Variants in CSMD1 observed in about 807,000 individuals in gnomAD.
CSMD1 encodes CUB and sushi domain-containing protein 1.
Under a neutral mutation model 417.5 loss-of-function variants are expected in CSMD1, and 213 were observed. The observed-to-expected ratio is 0.51, with a 90% CI of 0.46 to 0.57. The LOEUF is 0.57. CSMD1 is among the 20% of genes least tolerant of loss of function. The pLI is 0.00. For synonymous variants in CSMD1, 2,862 were observed against 1,736.8 expected (o/e 1.65, Z -16.11); for missense variants, 6,923 against 4,529.7 (o/e 1.53, Z -15.17).
At position 3,812,203 on chromosome 8, in the gene CSMD1, C is replaced by G. The variant is rs553017647; in HGVS notation, c.819-58161G>C. ...TTTAATAAAAGAGACCACATACAAA[C>G]AATATATCGTTTGTACTCAAAAGAT... On this transcript the variant is annotated intron_variant, in intron 5 of 69. Transcript: ENST00000635120. Among the ~76,000 whole-genome samples the G allele has an allele frequency of 2.0e-5, 3 of 152,218 alleles. No homozygotes were observed. In the South Asian group the frequency reaches 6.2e-4, roughly 32 times the overall value.
At chr8:4,905,958 T>A (rs558227093) in intron 1 of CSMD1, among the ~76,000 whole-genome samples, 1 of 152,308 alleles carries the variant, frequency 6.6e-6, no homozygotes, top group Non-Finnish European at 1.5e-5. Context: ...CCCCATTCAT[T>A]CTTCCTGCCT....
At chr8:3,531,569 G>C (rs112033740) in intron 10 of CSMD1, among the ~76,000 whole-genome samples, 260 of 152,312 alleles carry the variant, frequency 1.7e-3, no homozygotes, top group African/African-American at 6.2e-3. Context: ...CTGCCATGCA[G>C]TCCAGGTTCC....
intron 5 of CSMD1, among the ~76,000 whole-genome samples, chr8:3,932,861 G>T (rs2688269): frequency 0.78 from 117,349 of 149,762 alleles, 47,248 homozygotes; most frequent in African/African-American, 0.81. Flanking sequence ...TTTCACTATT[G>T]TGTAAAGTTA....
chr8:4,525,360 C>G (rs1483530564), intron 2 of CSMD1, among the ~76,000 whole-genome samples: 9 of 152,136 alleles, frequency 5.9e-5, no homozygotes, highest in Admixed American at 5.2e-4. Context: ...GAGAAACCTC[C>G]AATCTTAACA....
chr8:4,202,117 C>G (rs1169632519), intron 3 of CSMD1, among the ~76,000 whole-genome samples: 1 of 151,006 alleles, frequency 6.6e-6, no homozygotes, highest in Non-Finnish European at 1.5e-5. Flanking sequence ...GTTTTTTTTT[C>G]TAGAGAAAAC....
At chr8:4,001,565 T>C (rs1815675277) in intron 4 of CSMD1, among the ~76,000 whole-genome samples, 1 of 152,216 alleles carries the variant, frequency 6.6e-6, no homozygotes, top group Admixed American at 6.5e-5. Context: ...AGTTTCCTTC[T>C]ATTTAAAATG....
Position 4,629,594 on chromosome 8 carries a change from G to C in CSMD1, c.302+7748C>G, listed in dbSNP as rs1358903758. ...CCTTTTGAATGTTAAGTTTTAGGAA[G>C]TCCAATTTTTCATTCAGTTTTATAT... On this transcript the variant is annotated intron_variant, in intron 2 of 69. Coordinates refer to ENST00000635120, the MANE Select transcript of CSMD1 (RefSeq NM_033225.6). Among the ~76,000 whole-genome samples the C allele has an allele frequency of 2.6e-5, 4 of 152,120 alleles. No homozygotes were observed. In the East Asian group the frequency reaches 7.7e-4, roughly 29 times the overall value.
chr8:3,242,578 G>A (rs1324183775), intron 26 of CSMD1, among the ~76,000 whole-genome samples: 1 of 152,068 alleles, frequency 6.6e-6, no homozygotes, highest in Non-Finnish European at 1.5e-5. Context: ...TTTGTACTGG[G>A]GTCAAGCGGC....
chr8:4,697,112 C>T (rs998703644), intron 1 of CSMD1, among the ~76,000 whole-genome samples: 17 of 152,042 alleles, frequency 1.1e-4, no homozygotes, highest in Non-Finnish European at 2.5e-4. Context: ...GGGGAGGTTG[C>T]AGTGAGCCGA....
chr8:3,381,448 G>A (rs1482643039), intron 18 of CSMD1, among the ~76,000 whole-genome samples: 2 of 152,032 alleles, frequency 1.3e-5, no homozygotes, highest in Non-Finnish European at 2.9e-5. Context: ...TTATTCTATT[G>A]CAAATTTAGG....
chr8:4,868,702 A>G (rs1802559856), intron 1 of CSMD1, among the ~76,000 whole-genome samples: 1 of 152,104 alleles, frequency 6.6e-6, no homozygotes, highest in Non-Finnish European at 1.5e-5. Flanking sequence ...GTCTTGGTCG[A>G]AAGTATTTGA....
intron 5 of CSMD1, among the ~76,000 whole-genome samples, chr8:3,862,746 A>G (rs985619282): frequency 2.6e-5 from 4 of 152,262 alleles, no homozygotes; most frequent in Middle Eastern, 3.4e-3. Flanking sequence ...AGAAATGATT[A>G]TGTTTGTTTT....
intron 5 of CSMD1, among the ~76,000 whole-genome samples, chr8:3,967,891 G>A (rs185609119): frequency 2.0e-5 from 3 of 151,986 alleles, no homozygotes; most frequent in Admixed American, 6.6e-5. Context: ...CAATTGGCCG[G>A]GCGCAGTGGC....
intron 10 of CSMD1, among the ~76,000 whole-genome samples, chr8:3,559,159 C>T (rs533109416): frequency 6.6e-6 from 1 of 152,196 alleles, no homozygotes; most frequent in East Asian, 1.9e-4. Flanking sequence ...GCAGGAACTT[C>T]CATGAGCTCT....
At chr8:4,770,589 A>C (rs935974459) in intron 1 of CSMD1, among the ~76,000 whole-genome samples, 1 of 151,964 alleles carries the variant, frequency 6.6e-6, no homozygotes, top group Non-Finnish European at 1.5e-5. Context: ...AGTAATCAAA[A>C]CCTATGGCAT....
intron 5 of CSMD1, among the ~76,000 whole-genome samples, chr8:3,921,707 C>T (rs1380746953): frequency 6.6e-6 from 1 of 152,118 alleles, no homozygotes; most frequent in African/African-American, 2.4e-5. Flanking sequence ...TTTTCCTCCT[C>T]TCCCTGATTT....
intron 3 of CSMD1, among the ~76,000 whole-genome samples, chr8:4,249,600 G>A (rs139157609): frequency 2.6e-5 from 4 of 152,122 alleles, no homozygotes; most frequent in Non-Finnish European, 5.9e-5. Context: ...TTGAGAGAAT[G>A]GTGTTAAGAA....
intron 8 of CSMD1, among the ~76,000 whole-genome samples, chr8:3,605,097 T>A (rs921587290): frequency 6.6e-6 from 1 of 152,128 alleles, no homozygotes; most frequent in African/African-American, 2.4e-5. Flanking sequence ...CAGGTTCAAG[T>A]GATTCTCCTG....
intron 4 of CSMD1, among the ~76,000 whole-genome samples, chr8:4,016,438 T>G (rs137936753): frequency 0.013 from 1,961 of 152,202 alleles, 18 homozygotes; most frequent in Middle Eastern, 0.034. Flanking sequence ...ACTGAGCCTG[T>G]CTCTTAGACG....
Sources: gnomAD v4.1 joint callset for allele counts (sites outside exome capture counted in the v4.1 genomes callset) on GRCh38, gnomAD v4.1.1 for gene constraint, MANE v1.5 for transcripts, NCBI Gene and HGNC (gene_info 2026-07-23, HGNC 2026-07-21) for gene names.